HMCN2: variants seen among roughly 807,000 people sequenced by gnomAD.
HMCN2 encodes hemicentin-2.
A neutral mutation model predicts 377.5 loss-of-function variants in HMCN2; 325 were observed. That is an observed-to-expected ratio of 0.86 (90% CI 0.79 to 0.94). The LOEUF (loss-of-function observed/expected upper bound fraction) is 0.94. Ranked by LOEUF, HMCN2 falls within the 40% of genes least tolerant of loss-of-function variation. The probability of loss-of-function intolerance (pLI) is 0.00; values close to 1 mark genes in which losing one functional copy is unlikely to be tolerated. For synonymous variants in HMCN2, 2,007 were observed against 2,046.8 expected (o/e 0.98, Z 0.53); for missense variants, 4,543 against 4,725.3 (o/e 0.96, Z 1.13).
intron 73 of HMCN2, among the ~76,000 whole-genome samples, chr9:130,396,721 C>T (rs1238001063): frequency 6.6e-6 from 1 of 152,190 alleles, no homozygotes; most frequent in African/African-American, 2.4e-5. Flanking sequence ...AATCCCAACT[C>T]TAAATTCCCA....
rs1844325404 is a variant in HMCN2, at chr9:130,425,930, G to T, written c.13879+6G>T. On this transcript the variant is annotated splice_donor_region_variant and intron_variant, in intron 90 of 97. Coordinates refer to ENST00000683500, the MANE Select transcript of HMCN2 (RefSeq NM_001291815.2). ...CGCTACAGCCCTGCAGGCGGGTGAG[G>T]CCCCTCTGCTTTGTTCCACCCCCAC... 6.5e-7 allele frequency: 1 copy of T among 1,542,540 alleles called. No homozygotes were observed. The highest frequency in any genetic ancestry group is 8.7e-7 in the Non-Finnish European group (1 of 1,143,574).
chr9:130,329,694 C>T (rs1053728453), intron 22 of HMCN2, among the ~76,000 whole-genome samples: 4 of 152,008 alleles, frequency 2.6e-5, no homozygotes, highest in African/African-American at 4.8e-5. Context: ...CCACCCGCCT[C>T]GGTCTCCCAA....
chr9:130,369,151 G>A lies in HMCN2; in HGVS notation c.6788-419G>A, dbSNP rs1176458538. Among the ~76,000 whole-genome samples the A allele has an allele frequency of 6.6e-6, 1 of 152,176 alleles. No individual in the cohort carries two copies. Among genetic ancestry groups the A allele is most frequent in the Non-Finnish European group, 1.5e-5 (1 of 68,042 alleles). On this transcript the variant is annotated intron_variant, in intron 44 of 97. Coordinates refer to ENST00000683500, the MANE Select transcript of HMCN2 (RefSeq NM_001291815.2). The surrounding 1 kb of genome is among the most constrained non-coding windows in gnomAD (Gnocchi z 4.5). ...ACCTAAAGCCCTATCTACTGGTCCTGCAGTGATGAAATGAAATCCCCCAGC... is the reference window on the plus strand; with the variant it reads ...ACCTAAAGCCCTATCTACTGGTCCTACAGTGATGAAATGAAATCCCCCAGC...
At chr9:130,319,091 A>C (rs1837713388) in intron 15 of HMCN2, among the ~76,000 whole-genome samples, 1 of 152,170 alleles carries the variant, frequency 6.6e-6, no homozygotes, top group Non-Finnish European at 1.5e-5. Context: ...GGCGAGGGGT[A>C]GGGGAGGGTA....
At chr9:130,404,830 C>T in intron 80 of HMCN2, 39 bp from the exon 81 acceptor site, 2 of 1,191,886 alleles carry the variant, frequency 1.7e-6, no homozygotes, top group Non-Finnish European at 2.1e-6. Context: ...AGCCGCCTCC[C>T]TGAGCCCCGG....
chr9:130,298,960 A>G (rs1836319576), intron 7 of HMCN2, 65 bp from the exon 8 acceptor site: 1 of 420,532 alleles, frequency 2.4e-6, no homozygotes. Flanking sequence ...GAGGGCCCCT[A>G]CTTGAGGGGG....
At chr9:130,427,059 T>C (rs1844422651) in intron 90 of HMCN2, among the ~76,000 whole-genome samples, 2 of 152,202 alleles carry the variant, frequency 1.3e-5, no homozygotes, top group Non-Finnish European at 2.9e-5. Flanking sequence ...TTTTAATGGT[T>C]TTCCTGGGGC....
chr9:130,404,809 A>G (rs905872660), intron 80 of HMCN2, 60 bp from the exon 81 acceptor site: 1 of 1,142,742 alleles, frequency 8.8e-7, no homozygotes, highest in Non-Finnish European at 1.1e-6. Flanking sequence ...CAAGGGCCCC[A>G]GGATGGTGTC....
chr9:130,369,886 G>A lies in HMCN2; in HGVS notation c.7069+35G>A. ...GGCAGCTGCTGGAGGAGTTGGGCTGGGGCAGATTAGAGTGGGCAAGGTGGG... is the reference window on the plus strand; with the variant it reads ...GGCAGCTGCTGGAGGAGTTGGGCTGAGGCAGATTAGAGTGGGCAAGGTGGG... On this transcript the variant is annotated intron_variant, in intron 45 of 97. Transcript: ENST00000683500. This position sits in a 1 kb window ranked among gnomAD's most constrained non-coding sequence, Gnocchi z 4.5. 1 of 985,212 alleles carries A rather than the reference G, an allele frequency of 1.0e-6. No homozygotes were observed. The highest frequency in any genetic ancestry group is 1.2e-6 in the Non-Finnish European group (1 of 829,696). 61.0% of individuals were successfully genotyped at this position (985,212 alleles called of 1,614,324 possible).
intron 86 of HMCN2, among the ~76,000 whole-genome samples, chr9:130,420,065 CTT>C (rs10586199): frequency 0.028 from 2,126 of 76,950 alleles, 33 homozygotes; most frequent in African/African-American, 0.098. Context: ...CGTCCCACTT[CTT>C]TTTTTTTTTT....
At chr9:130,374,448 G>A (rs1339216350) in intron 48 of HMCN2, 54 bp from the exon 49 acceptor site, 3 of 918,206 alleles carry the variant, frequency 3.3e-6, no homozygotes, top group East Asian at 2.4e-4. Context: ...TGTGACCCCT[G>A]GGCTGCCCTA....
At chr9:130,355,901 G>A (rs1275910751) in intron 33 of HMCN2, 47 bp downstream of exon 33, 33 of 1,158,684 alleles carry the variant, frequency 2.8e-5, no homozygotes, top group Admixed American at 1.7e-4. Context: ...GGCAGAGAGC[G>A]TGTGCTTTGC....
chr9:130,367,941 CAAAAAAAAAA>C (rs10565235), intron 43 of HMCN2, among the ~76,000 whole-genome samples: 1 of 75,506 alleles, frequency 1.3e-5, no homozygotes, highest in Non-Finnish European at 2.5e-5. Context: ...GACTCTGTCT[CAAAAAAAAAA>C]AAAAAAAAAA....
In HMCN2 at chr9:130,336,122, AG is replaced by A. The variant is rs1838736196; in HGVS notation, c.3360-1770del. On this transcript the variant is annotated intron_variant, in intron 22 of 97. Coordinates refer to ENST00000683500, the MANE Select transcript of HMCN2 (RefSeq NM_001291815.2). The stretch of plus-strand genomic sequence containing the variant: ...GAGTGAGTGAGAGAGAGAGAAAGGA[AG>A]GAAAGAAGGAAGGAGAAAGGAAGGA... 2.6e-5 allele frequency among the ~76,000 whole-genome samples: 4 copies of A among 152,140 alleles called. No individual in the cohort carries two copies. The South Asian group carries it at 8.3e-4, about 32-fold the overall frequency.
chr9:130,395,133 G>GGGGGGC, intron 70 of HMCN2, 25 bp downstream of exon 70: 3 of 453,634 alleles, frequency 6.6e-6, no homozygotes, highest in South Asian at 1.7e-5. Flanking sequence ...TGGGGTGGGG[G>GGGGGGC]CAGGGCCGGG....
chr9:130,313,751 C>T (rs1361303925), intron 15 of HMCN2, among the ~76,000 whole-genome samples: 1 of 150,328 alleles, frequency 6.7e-6, no homozygotes, highest in African/African-American at 2.5e-5. Flanking sequence ...TACTTCATTC[C>T]TCTCTAAATG....
intron 15 of HMCN2, among the ~76,000 whole-genome samples, chr9:130,316,323 G>T (rs1837558565): frequency 6.6e-6 from 1 of 152,020 alleles, no homozygotes; most frequent in African/African-American, 2.4e-5. Flanking sequence ...GATGGACACA[G>T]GGGTAGGGAG....
At chr9:130,372,635 C>T (rs1841087101) in intron 47 of HMCN2, among the ~76,000 whole-genome samples, 1 of 152,190 alleles carries the variant, frequency 6.6e-6, no homozygotes, top group East Asian at 1.9e-4. Flanking sequence ...ATTAACAGGG[C>T]ATGGTGGTAC....
In HMCN2 at chr9:130,303,926, C is replaced by T. The variant is rs782669470; in HGVS notation, c.1543+318C>T. ...TCCATCTCGTGGTCGGGACAACCTT[C>T]GTGCCTCCAAGTCCCGGCCAGGATG... On this transcript the variant is annotated intron_variant, in intron 10 of 97. Coordinates refer to ENST00000683500, the MANE Select transcript of HMCN2 (RefSeq NM_001291815.2). The surrounding 1 kb of genome is among the most constrained non-coding windows in gnomAD (Gnocchi z 5.2). Among the ~76,000 whole-genome samples, 6 of 152,204 alleles carry T rather than the reference C, an allele frequency of 3.9e-5. No homozygotes were observed. The highest frequency in any genetic ancestry group is 7.2e-5 in the African/African-American group (3 of 41,462).
Sources: allele counts gnomAD v4.1 joint callset (sites outside exome capture counted in the v4.1 genomes callset), GRCh38; gene constraint gnomAD v4.1.1; non-coding constraint Gnocchi (gnomAD v3.1); transcripts MANE v1.5; gene names NCBI Gene and HGNC (gene_info 2026-07-23, HGNC 2026-07-21).